CDC14B: variants seen among roughly 807,000 people sequenced by gnomAD.
CDC14B encodes cell division cycle 14B, also known as dual specificity protein phosphatase CDC14B.
CDC14B carries 22 observed loss-of-function variants against 64.2 expected under a neutral mutation model. That is an observed-to-expected ratio of 0.34 (90% confidence interval 0.24 to 0.49). The LOEUF (loss-of-function observed/expected upper bound fraction) is 0.49. CDC14B is among the 20% of genes least tolerant of loss of function. CDC14B has a pLI of 0.99. For synonymous variants in CDC14B, 191 were observed against 215.8 expected, an observed-to-expected ratio of 0.89 and a Z score of 1.01; for missense variants, 498 against 629.9, an observed-to-expected ratio of 0.79 and a Z score of 2.24.
chr9:96,495,614 AGAG>A (rs1198477744), downstream of CDC14B, among the ~76,000 whole-genome samples: 1 of 152,318 alleles, frequency 6.6e-6, no homozygotes, highest in East Asian at 1.9e-4. Context: ...TTTGCTGGTG[AGAG>A]GATAGAGCTG....
chr9:96,594,714 C>CAAAAAA (rs11414625), intron 1 of CDC14B, among the ~76,000 whole-genome samples: 2 of 42,418 alleles, frequency 4.7e-5, no homozygotes, highest in African/African-American at 9.0e-5. Flanking sequence ...AAGGCTGTCT[C>CAAAAAA]AAAAAAAAAA....
intron 1 of CDC14B, 27 bp downstream of exon 1, chr9:96,619,192 C>T (rs1847828990): frequency 8.0e-6 from 10 of 1,244,856 alleles, no homozygotes; most frequent in South Asian, 3.6e-5. Flanking sequence ...CGTCCGGGGC[C>T]CTCCGCGCGC....
chr9:96,497,028 G>A (rs908722357), downstream of CDC14B, among the ~76,000 whole-genome samples: 1 of 152,204 alleles, frequency 6.6e-6, no homozygotes, highest in Non-Finnish European at 1.5e-5. Flanking sequence ...CGCCTGAAAA[G>A]ACGTCGTTTA....
rs1846986261 is a variant in CDC14B, at chr9:96,606,957, A to G, written c.160+12262T>C. ...AAGCTGAGGTGGGAGGATCACGAGC[A>G]CAGGAAATGGAGGCTGCTATGATTG... On this transcript the variant is annotated intron_variant, in intron 1 of 13. Transcript: ENST00000375241. 5.3e-5 allele frequency among the ~76,000 whole-genome samples: 8 copies of G among 152,138 alleles called. No individual in the cohort carries two copies. In the South Asian group the frequency reaches 1.7e-3, roughly 32 times the overall value.
intron 5 of CDC14B, among the ~76,000 whole-genome samples, chr9:96,551,094 C>G (rs2132044690): frequency 8.8e-6 from 1 of 113,606 alleles, no homozygotes; most frequent in African/African-American, 3.7e-5. Flanking sequence ...GATACAAAGC[C>G]TAGGTTTTGG....
chr9:96,600,844 A>G (rs1846390277), intron 1 of CDC14B, among the ~76,000 whole-genome samples: 1 of 152,112 alleles, frequency 6.6e-6, no homozygotes, highest in African/African-American at 2.4e-5. Flanking sequence ...ACAGCAATCC[A>G]TGGCTTGGCT....
At chr9:96,579,242 A>G (rs975095546) in intron 1 of CDC14B, among the ~76,000 whole-genome samples, 2 of 152,156 alleles carry the variant, frequency 1.3e-5, no homozygotes, top group Non-Finnish European at 2.9e-5. Flanking sequence ...GCCTTTAAGG[A>G]AGAAATCAAG....
chr9:96,547,173 A>T (rs1199536795), intron 5 of CDC14B, among the ~76,000 whole-genome samples: 1 of 151,168 alleles, frequency 6.6e-6, no homozygotes, highest in Non-Finnish European at 1.5e-5. Flanking sequence ...TTTTTAAGAG[A>T]CAGGGTCTTG....
chr9:96,529,839 T>A (rs1206096105), intron 9 of CDC14B, among the ~76,000 whole-genome samples: 2 of 152,106 alleles, frequency 1.3e-5, no homozygotes, highest in East Asian at 3.9e-4. Context: ...ACCTTTTTAT[T>A]CTTTCTCAAG....
At chr9:96,537,226 T>G (rs1343129105) in intron 7 of CDC14B, among the ~76,000 whole-genome samples, 1 of 151,986 alleles carries the variant, frequency 6.6e-6, no homozygotes, top group East Asian at 1.9e-4. Context: ...GGAGAGAGAA[T>G]GCAGTGAGCC....
At chr9:96,508,038 CAG>C (rs768339436) in intron 13 of CDC14B, among the ~76,000 whole-genome samples, 38 of 150,280 alleles carry the variant, frequency 2.5e-4, no homozygotes, top group Non-Finnish European at 3.1e-4. Flanking sequence ...TTTTTTGAGA[CAG>C]AGTCTCACTC....
rs1037430246 is a variant in CDC14B at position 96,515,928 on chromosome 9, G to A, written c.1344-6139C>T. 4 of 673,104 alleles carry A rather than the reference G, an allele frequency of 5.9e-6. No individual in the cohort carries two copies. Among genetic ancestry groups the A allele is most frequent in the African/African-American group, 5.5e-5 (3 of 54,520 alleles). The allele number at this position is 673,104 out of a possible 1,614,324, so 41.7% of individuals were successfully genotyped here. A position where few individuals can be genotyped will look rare whatever the true frequency, so the allele number is the denominator to read the frequency against. Reference sequence around the variant, plus strand: ...CAGCCAACAGCAACAGGGATACAAAGGGGTGGTCAACAAGGATGGAGTTTT... The same window carrying A: ...CAGCCAACAGCAACAGGGATACAAAAGGGTGGTCAACAAGGATGGAGTTTT... On this transcript the variant is annotated intron_variant, in intron 12 of 13. Transcript: ENST00000375241. The surrounding 1 kb of genome is among the most constrained non-coding windows in gnomAD (Gnocchi z 4.3).
In CDC14B at chr9:96,502,769, G is replaced by A. The variant is rs1411167867; in HGVS notation, c.*984C>T. On this transcript the variant is annotated 3_prime_UTR_variant, in exon 14 of 14. Transcript: ENST00000375241. ...GAAGCAGATCATTGTCACTGAGATC[G>A]CAGGCCACGTCAATGGCCTTAGGTG... 8 of 396,924 alleles carry A rather than the reference G, an allele frequency of 2.0e-5. No homozygotes were observed. Among genetic ancestry groups the A allele is most frequent in the African/African-American group, 4.1e-5 (2 of 48,280 alleles). 24.6% of individuals were successfully genotyped at this position (396,924 alleles called of 1,614,324 possible). A position where few individuals can be genotyped will look rare whatever the true frequency, so the allele number is the denominator to read the frequency against.
rs763318881 is a variant in CDC14B, at chr9:96,509,622, C to A, written c.1460+51G>T. On this transcript the variant is annotated intron_variant, in intron 13 of 13. Transcript: ENST00000375241. Reference sequence around the variant, plus strand: ...CCAGAGGTAGGGTCCAAATATTAAACTGGAAAACAAACGCTTGCAACTTTT... The same window carrying A: ...CCAGAGGTAGGGTCCAAATATTAAAATGGAAAACAAACGCTTGCAACTTTT... 3.5e-6 allele frequency: 4 copies of A among 1,126,966 alleles called. No individual in the cohort carries two copies. In the East Asian group the frequency reaches 7.0e-5, roughly 20 times the overall value. 69.8% of individuals were successfully genotyped at this position (1,126,966 alleles called of 1,614,324 possible).
At chr9:96,604,995 T>A (rs1846787193) in intron 1 of CDC14B, among the ~76,000 whole-genome samples, 1 of 152,036 alleles carries the variant, frequency 6.6e-6, no homozygotes, top group African/African-American at 2.4e-5. Flanking sequence ...AACACCCAGT[T>A]TAGTACTCAC....
chr9:96,566,716 C>A, intron 1 of CDC14B: 1 of 1,545,096 alleles, frequency 6.5e-7, no homozygotes, highest in Non-Finnish European at 8.8e-7. Flanking sequence ...CCCGCCCTGT[C>A]CCAGCGCGGG....
At chr9:96,530,176 C>T (rs1838221947) in intron 9 of CDC14B, among the ~76,000 whole-genome samples, 3 of 152,070 alleles carry the variant, frequency 2.0e-5, no homozygotes, top group Non-Finnish European at 4.4e-5. Context: ...ATTGTCAGGG[C>T]TTAGAAACAA....
rs1050693033 is a variant in CDC14B at position 96,502,680 on chromosome 9, C to T, written c.*1073G>A. 14 of 381,492 alleles carry T rather than the reference C, an allele frequency of 3.7e-5. No individual in the cohort carries two copies. The highest frequency in any genetic ancestry group is 1.8e-4 in the Admixed American group (4 of 22,010). The allele number at this position is 381,492 out of a possible 1,614,324, so 23.6% of individuals were successfully genotyped here. A position where few individuals can be genotyped will look rare whatever the true frequency, so the allele number is the denominator to read the frequency against. ...ACTCTGCTGTGTTCCAGTAGGGCTG[C>T]GGGAGAAGGCACTCTGCAGAGTTAC... On this transcript the variant is annotated 3_prime_UTR_variant, in exon 14 of 14. Transcript: ENST00000375241.
intron 1 of CDC14B, among the ~76,000 whole-genome samples, chr9:96,583,384 T>C (rs1191953257): frequency 7.0e-6 from 1 of 142,332 alleles, no homozygotes; most frequent in Non-Finnish European, 1.5e-5. Context: ...TTATTATTAT[T>C]ATTATTATTA....
Sources: allele counts gnomAD v4.1 joint callset (sites outside exome capture counted in the v4.1 genomes callset), GRCh38; gene constraint gnomAD v4.1.1; non-coding constraint Gnocchi (gnomAD v3.1); transcripts MANE v1.5; gene names NCBI Gene and HGNC (gene_info 2026-07-23, HGNC 2026-07-21).